Variants in MGAT4C observed in about 807,000 individuals in gnomAD.
The protein encoded by MGAT4C is alpha-1,3-mannosyl-glycoprotein 4-beta-N-acetylglucosaminyltransferase C.
Under a neutral mutation model 40.1 loss-of-function variants are expected in MGAT4C, and 19 were observed. The observed-to-expected ratio is 0.47, with a 90% CI of 0.33 to 0.70. The LOEUF (loss-of-function observed/expected upper bound fraction) is 0.70. MGAT4C is among the 30% of genes least tolerant of loss of function. The pLI is 0.02. For synonymous variants in MGAT4C, 181 were observed against 187.1 expected, an observed-to-expected ratio of 0.97 and a Z score of 0.27; for missense variants, 491 against 563.2, an observed-to-expected ratio of 0.87 and a Z score of 1.30.
At chr12:85,998,263 T>A (rs1886870219) in intron 2 of MGAT4C, among the ~76,000 whole-genome samples, 2 of 152,096 alleles carry the variant, frequency 1.3e-5, no homozygotes, top group Admixed American at 1.3e-4. Context: ...GGGTCTCACC[T>A]ATGAAACCAT....
chr12:85,980,368 T>C lies in MGAT4C; in HGVS notation c.358A>G (p.Ile120Val), dbSNP rs765264406. 5.0e-6 allele frequency: 8 copies of C among 1,613,126 alleles called. No individual in the cohort carries two copies. Among genetic ancestry groups the C allele is most frequent in the Non-Finnish European group, 5.9e-6 (7 of 1,179,644 alleles). ...CTGGATTGCTCAAAAATTGACTTAA[T>C]TGTCTCAAGTAAATAGTTTCCTTTT... ...RKKGNYLLET[I>V]KSIFEQSSYE... Residue 120 changes from isoleucine to valine, a missense_variant, in exon 5 of 5, where the codon ATT becomes GTT. Physicochemically the swap from Ile to Val is conservative, Grantham distance 29 (BLOSUM62 3). Transcript: ENST00000611864.
At chr12:86,622,830 T>C (rs2136491431) in intron 2 of MGAT4C, among the ~76,000 whole-genome samples, 1 of 152,046 alleles carries the variant, frequency 6.6e-6, no homozygotes, top group Admixed American at 6.5e-5. Context: ...AATCTAAAAA[T>C]GACAGGAATG....
chr12:86,731,483 T>A (rs1352744487), intron 1 of MGAT4C, among the ~76,000 whole-genome samples: 2 of 152,158 alleles, frequency 1.3e-5, no homozygotes, highest in Non-Finnish European at 2.9e-5. Context: ...GAGTCTTTTG[T>A]TGAATCATCT....
In MGAT4C at chr12:85,979,180, A is replaced by T; in HGVS notation, c.*109T>A. 1 of 805,878 alleles carries T rather than the reference A, an allele frequency of 1.2e-6. No homozygotes were observed. Among genetic ancestry groups the T allele is most frequent in the Non-Finnish European group, 1.9e-6 (1 of 520,612 alleles). The allele number at this position is 805,878 out of a possible 1,614,324, so 49.9% of individuals were successfully genotyped here. A position where few individuals can be genotyped will look rare whatever the true frequency, so the allele number is the denominator to read the frequency against. ...TAAATGAAAACTGCCAATGTAATTA[A>T]TGTTTCTTTTAACATATCCCATCCA... On this transcript the variant is annotated 3_prime_UTR_variant, in exon 5 of 5. Transcript: ENST00000611864.
In MGAT4C at chr12:86,690,479, G is replaced by A. The variant is rs118041202; in HGVS notation, c.-229+36730C>T. On this transcript the variant is annotated intron_variant, in intron 2 of 7. Coordinates refer to the MGAT4C transcript ENST00000548651. ...GAGAATCTCCTGGTCTGCTGGTGGCGAAAACCATGGGAAAAGCATAGTGTC... is the reference window on the plus strand; with the variant it reads ...GAGAATCTCCTGGTCTGCTGGTGGCAAAAACCATGGGAAAAGCATAGTGTC... Among the ~76,000 whole-genome samples, 776 of 152,204 alleles carry A rather than the reference G, an allele frequency of 5.1e-3. 18 individuals are homozygous for A. The East Asian group carries it at 0.067, about 13-fold the overall frequency.
intron 2 of MGAT4C, among the ~76,000 whole-genome samples, chr12:86,709,219 T>A (rs1212400296): frequency 6.6e-6 from 1 of 152,072 alleles, no homozygotes; most frequent in African/African-American, 2.4e-5. Context: ...CTGCACAAGT[T>A]CTCTCCTGCC....
intron 2 of MGAT4C, among the ~76,000 whole-genome samples, chr12:86,686,523 T>TA (rs1950074886): frequency 1.3e-5 from 2 of 152,176 alleles, no homozygotes; most frequent in African/African-American, 4.8e-5. Flanking sequence ...AATACCTAGT[T>TA]TTTGAGTGTT....
At chr12:86,355,431 A>T (rs1167809461) in intron 3 of MGAT4C, among the ~76,000 whole-genome samples, 1 of 152,220 alleles carries the variant, frequency 6.6e-6, no homozygotes, top group Non-Finnish European at 1.5e-5. Flanking sequence ...GTGGTGAAGA[A>T]CACAAATTTA....
At chr12:86,831,811 A>T (rs1466043193) in intron 1 of MGAT4C, among the ~76,000 whole-genome samples, 1 of 151,880 alleles carries the variant, frequency 6.6e-6, no homozygotes, top group African/African-American at 2.4e-5. Context: ...GATAGATATT[A>T]TAATTAAAAC....
chr12:86,728,639 T>G (rs1289435309), intron 1 of MGAT4C, among the ~76,000 whole-genome samples: 1 of 152,142 alleles, frequency 6.6e-6, no homozygotes, highest in Non-Finnish European at 1.5e-5. Context: ...TACAGTGAGC[T>G]GAGATCTCGT....
chr12:86,130,063 T>C (rs140190507), intron 1 of MGAT4C, among the ~76,000 whole-genome samples: 452 of 152,332 alleles, frequency 3.0e-3, no homozygotes, highest in South Asian at 5.6e-3. Flanking sequence ...CAAGTATCTA[T>C]GATTGCCTAT....
At chr12:86,630,868 A>G (rs894134758) in intron 2 of MGAT4C, among the ~76,000 whole-genome samples, 4 of 152,180 alleles carry the variant, frequency 2.6e-5, no homozygotes, top group Non-Finnish European at 4.4e-5. Flanking sequence ...GTCTTTCACC[A>G]TTCCTATTCA....
intron 4 of MGAT4C, among the ~76,000 whole-genome samples, chr12:86,317,783 A>C (rs1012863974): frequency 2.6e-5 from 4 of 151,768 alleles, no homozygotes; most frequent in African/African-American, 9.7e-5. Flanking sequence ...ATATTTCAGG[A>C]AAGTTTCATG....
At chr12:86,281,848 A>G (rs1242712648) in intron 4 of MGAT4C, among the ~76,000 whole-genome samples, 1 of 152,108 alleles carries the variant, frequency 6.6e-6, no homozygotes. Flanking sequence ...TATTTGAAGG[A>G]CACTTATTTC....
rs913173692 is a variant in MGAT4C at position 86,396,963 on chromosome 12, T to C, written c.-120+38194A>G. ...CCTCAGCTTTTCTACAGAAGCTTTT[T>C]TCAATCTACGATTTGAAGATCACTT... On this transcript the variant is annotated intron_variant, in intron 3 of 7. Transcript: ENST00000548651. Among the ~76,000 whole-genome samples, 9 of 152,328 alleles carry C rather than the reference T, an allele frequency of 5.9e-5. 1 individual carries two copies. Among genetic ancestry groups the C allele is most frequent in the South Asian group, 4.1e-4 (2 of 4,832 alleles).
intron 3 of MGAT4C, among the ~76,000 whole-genome samples, chr12:86,352,922 A>G (rs1028590412): frequency 2.6e-5 from 4 of 152,060 alleles, no homozygotes; most frequent in Admixed American, 1.3e-4. Context: ...ATGTTAAATG[A>G]CGAGTTAATG....
chr12:86,010,411 T>C (rs1565853661), intron 2 of MGAT4C, among the ~76,000 whole-genome samples: 1 of 152,188 alleles, frequency 6.6e-6, no homozygotes. Context: ...ATAGACATGG[T>C]GGCTCATGCC....
chr12:86,591,143 G>A (rs1157272052), intron 2 of MGAT4C, among the ~76,000 whole-genome samples: 2 of 151,948 alleles, frequency 1.3e-5, no homozygotes, highest in Non-Finnish European at 2.9e-5. Flanking sequence ...AAAAGGAGTT[G>A]GGTTTTGTCA....
At chr12:86,826,800 G>A (rs1952818041) in intron 1 of MGAT4C, among the ~76,000 whole-genome samples, 1 of 151,104 alleles carries the variant, frequency 6.6e-6, no homozygotes, top group Non-Finnish European at 1.5e-5. Context: ...AAAGAAATGG[G>A]GGGAGGTTCC....
Sources: gnomAD v4.1 joint callset for allele counts (sites outside exome capture counted in the v4.1 genomes callset) on GRCh38, gnomAD v4.1.1 for gene constraint, MANE v1.5 for transcripts, NCBI Gene and HGNC (gene_info 2026-07-23, HGNC 2026-07-21) for gene names.